DLG2: variants seen among roughly 807,000 people sequenced by gnomAD.
The protein encoded by DLG2 is discs large MAGUK scaffold protein 2.
DLG2 carries 45 observed loss-of-function variants against 132.5 expected under a neutral mutation model. The observed-to-expected ratio is 0.34, with a 90% CI of 0.27 to 0.44. DLG2 has a LOEUF of 0.44. Among genes scored for constraint, DLG2 ranks in the 20% least tolerant of loss-of-function variants. The pLI, the probability that DLG2 is intolerant of heterozygous loss-of-function variation, is 1.00. For missense variants in DLG2, 1,045 were observed against 1,196.9 expected, an observed-to-expected ratio of 0.87 and a Z score of 1.87; for synonymous variants, 424 against 419.6, an observed-to-expected ratio of 1.01 and a Z score of -0.13.
intron 21 of DLG2, among the ~76,000 whole-genome samples, chr11:83,494,416 T>C (rs999044404): frequency 6.6e-6 from 1 of 151,224 alleles, no homozygotes; most frequent in Non-Finnish European, 1.5e-5. Flanking sequence ...CCTAGCTCTA[T>C]TCTCAAATTA....
chr11:84,533,724 C>G (rs1205799422), intron 7 of DLG2, among the ~76,000 whole-genome samples: 2 of 151,614 alleles, frequency 1.3e-5, no homozygotes, highest in Non-Finnish European at 2.9e-5. Flanking sequence ...AATGAATGTT[C>G]TCGGTGATGA....
At chr11:84,661,565 G>A (rs1195673619) in intron 6 of DLG2, among the ~76,000 whole-genome samples, 1 of 152,152 alleles carries the variant, frequency 6.6e-6, no homozygotes, top group African/African-American at 2.4e-5. Flanking sequence ...ACTTTTCAGT[G>A]AAAATTTATC....
At chr11:83,844,267 C>T (rs777281354) in intron 16 of DLG2, among the ~76,000 whole-genome samples, 4 of 146,406 alleles carry the variant, frequency 2.7e-5, no homozygotes, top group South Asian at 2.2e-4. Flanking sequence ...GGGGGCCAGG[C>T]GCGGTGGCTC....
chr11:84,584,595 G>C (rs2099524549), intron 6 of DLG2, among the ~76,000 whole-genome samples: 1 of 149,780 alleles, frequency 6.7e-6, no homozygotes, highest in Admixed American at 6.7e-5. Context: ...CAAACTCCTG[G>C]CCTCAAGCAA....
rs1246301896 is a variant in DLG2 at position 83,601,787 on chromosome 11, T to A, written c.1940+31424A>T. ...ATCTGCCGGCCTCGGCCTCCCAAAG[T>A]GCTGGGGTTACAGGCGTGAGGCACA... On this transcript the variant is annotated intron_variant, in intron 19 of 27. Transcript: ENST00000376104. Among the ~76,000 whole-genome samples the A allele has an allele frequency of 2.0e-5, 3 of 151,960 alleles. No individual in the cohort carries two copies. In the East Asian group the frequency reaches 5.8e-4, roughly 29 times the overall value.
At chr11:83,573,859 C>T (rs1056305155) in intron 19 of DLG2, among the ~76,000 whole-genome samples, 4 of 152,108 alleles carry the variant, frequency 2.6e-5, no homozygotes, top group Non-Finnish European at 5.9e-5. Flanking sequence ...TACAACAGTG[C>T]TTCGAGGCAG....
intron 22 of DLG2, among the ~76,000 whole-genome samples, chr11:83,480,975 C>G (rs1279096926): frequency 6.6e-6 from 1 of 152,078 alleles, no homozygotes; most frequent in East Asian, 1.9e-4. Flanking sequence ...AAGATCTTTT[C>G]TGCTTCAGTG....
chr11:85,172,080 C>T (rs1191464129), intron 4 of DLG2, among the ~76,000 whole-genome samples: 3 of 152,218 alleles, frequency 2.0e-5, no homozygotes, highest in African/African-American at 7.2e-5. Context: ...CCGCCCAGTG[C>T]AGCACACCTG....
chr11:84,214,518 T>C (rs2096809831), intron 8 of DLG2, among the ~76,000 whole-genome samples: 2 of 151,970 alleles, frequency 1.3e-5, no homozygotes, highest in Admixed American at 6.6e-5. Context: ...ACCTCAGTTT[T>C]TGTAGACCAA....
intron 5 of DLG2, among the ~76,000 whole-genome samples, chr11:85,129,411 G>T (rs946226904): frequency 1.3e-5 from 2 of 152,152 alleles, no homozygotes; most frequent in African/African-American, 4.8e-5. Flanking sequence ...TTTTATCAGA[G>T]CATTTACACA....
At chr11:84,610,561 G>A (rs1292239876) in intron 6 of DLG2, among the ~76,000 whole-genome samples, 1 of 152,036 alleles carries the variant, frequency 6.6e-6, no homozygotes, top group Non-Finnish European at 1.5e-5. Flanking sequence ...CACTACTGAT[G>A]AATAAAGGGA....
At chr11:84,940,364 G>A (rs754870884) in intron 6 of DLG2, among the ~76,000 whole-genome samples, 1 of 152,148 alleles carries the variant, frequency 6.6e-6, no homozygotes, top group Non-Finnish European at 1.5e-5. Context: ...TTTTGGCCAG[G>A]CTAGTCTTGA....
intron 2 of DLG2, among the ~76,000 whole-genome samples, chr11:85,615,916 T>TA (rs560556744): frequency 3.1e-3 from 116 of 37,992 alleles, no homozygotes; most frequent in Admixed American, 5.4e-3. Context: ...CCCACCCCCC[T>TA]AAAAAAAAAT....
At chr11:85,305,205 A>C (rs1176913146) in intron 3 of DLG2, among the ~76,000 whole-genome samples, 1 of 152,236 alleles carries the variant, frequency 6.6e-6, no homozygotes, top group Non-Finnish European at 1.5e-5. Context: ...ACTTGAATAA[A>C]GAGCGGTACT....
At chr11:83,568,973 A>G (rs2096753868) in intron 19 of DLG2, among the ~76,000 whole-genome samples, 1 of 152,192 alleles carries the variant, frequency 6.6e-6, no homozygotes, top group Non-Finnish European at 1.5e-5. Flanking sequence ...CGATTTATTA[A>G]TGAGAAATCA....
intron 4 of DLG2, among the ~76,000 whole-genome samples, chr11:85,273,113 T>C (rs1293757499): frequency 6.6e-6 from 1 of 152,156 alleles, no homozygotes. Flanking sequence ...TCAAGATGGA[T>C]TAAAGACTTA....
chr11:84,676,861 G>A (rs2099712881), intron 6 of DLG2, among the ~76,000 whole-genome samples: 1 of 151,992 alleles, frequency 6.6e-6, no homozygotes, highest in African/African-American at 2.4e-5. Context: ...AAGTGTAGGA[G>A]TAAATTAGGA....
chr11:84,859,476 A>C (rs191070291), intron 6 of DLG2, among the ~76,000 whole-genome samples: 16 of 146,972 alleles, frequency 1.1e-4, no homozygotes, highest in Admixed American at 1.0e-3. Context: ...ATATCCTCCT[A>C]TTGGGTTGTA....
chr11:85,465,792 A>G (rs2092769476), intron 3 of DLG2, among the ~76,000 whole-genome samples: 1 of 152,150 alleles, frequency 6.6e-6, no homozygotes, highest in South Asian at 2.1e-4. Context: ...TTATAGCAGC[A>G]TGATTTATAA....
Sources: gnomAD v4.1 joint callset for allele counts (sites outside exome capture counted in the v4.1 genomes callset) on GRCh38, gnomAD v4.1.1 for gene constraint, MANE v1.5 for transcripts, NCBI Gene and HGNC (gene_info 2026-07-23, HGNC 2026-07-21) for gene names.